The following SYT1 variants were observed in gnomAD, a reference collection of about 807,000 sequenced individuals.
SYT1 encodes synaptotagmin-1.
Under a neutral mutation model 44.8 loss-of-function variants are expected in SYT1, and 8 were observed. That is an observed-to-expected ratio of 0.18 (90% CI 0.10 to 0.32). The LOEUF (loss-of-function observed/expected upper bound fraction) is 0.32, where lower values mean the gene tolerates loss of function less well. Among genes scored for constraint, SYT1 ranks in the 10% least tolerant of loss-of-function variants. The pLI, the probability that SYT1 is intolerant of heterozygous loss-of-function variation, is 1.00. For synonymous variants in SYT1, 154 were observed against 188.8 expected, an observed-to-expected ratio of 0.82 and a Z score of 1.51; for missense variants, 286 against 509.3, an observed-to-expected ratio of 0.56 and a Z score of 4.22.
intron 1 of SYT1, among the ~76,000 whole-genome samples, chr12:78,939,610 T>A (rs2137243906): frequency 6.6e-6 from 1 of 152,274 alleles, no homozygotes; most frequent in Non-Finnish European, 1.5e-5. Flanking sequence ...AGAAACTAGA[T>A]CTAGTTTAAA....
intron 5 of SYT1, among the ~76,000 whole-genome samples, chr12:79,287,435 A>T: frequency 6.6e-6 from 1 of 152,172 alleles, no homozygotes; most frequent in Non-Finnish European, 1.5e-5. Context: ...AGCAAGCAGG[A>T]CTTGATAAAG....
At chr12:79,036,535 G>A (rs1873146308) in intron 2 of SYT1, 1 of 151,774 alleles carries the variant, frequency 6.6e-6, no homozygotes, top group Non-Finnish European at 1.5e-5. Flanking sequence ...ACTTGGGGAT[G>A]CTAAACGTGG....
chr12:79,276,755 A>G (rs183852541), intron 4 of SYT1, among the ~76,000 whole-genome samples: 11 of 152,098 alleles, frequency 7.2e-5, no homozygotes, highest in Admixed American at 5.9e-4. Context: ...GAAAATTTTA[A>G]CAGTAAACTA....
At chr12:79,228,148 C>T (rs948450233) in intron 4 of SYT1, among the ~76,000 whole-genome samples, 1 of 151,532 alleles carries the variant, frequency 6.6e-6, no homozygotes, top group African/African-American at 2.4e-5. Flanking sequence ...TTCCATACAT[C>T]GTAGGTTCTT....
At chr12:79,309,407 T>G (rs1161006887) in intron 8 of SYT1, among the ~76,000 whole-genome samples, 1 of 152,032 alleles carries the variant, frequency 6.6e-6, no homozygotes, top group African/African-American at 2.4e-5. Context: ...TTTTATCTGA[T>G]GATCTCTTTG....
At chr12:78,974,530 G>A (rs1442624490) in intron 1 of SYT1, among the ~76,000 whole-genome samples, 3 of 151,792 alleles carry the variant, frequency 2.0e-5, no homozygotes, top group Non-Finnish European at 4.4e-5. Flanking sequence ...TCTGCCTCCC[G>A]GGTTCACGCC....
At chr12:78,905,137 G>A (rs909142064) in intron 1 of SYT1, among the ~76,000 whole-genome samples, 1 of 152,120 alleles carries the variant, frequency 6.6e-6, no homozygotes, top group Non-Finnish European at 1.5e-5. Context: ...TTCTAATCTT[G>A]AGAAATGTCT....
At chr12:79,004,440 A>C (rs567710004) in intron 2 of SYT1, among the ~76,000 whole-genome samples, 1 of 152,080 alleles carries the variant, frequency 6.6e-6, no homozygotes, top group East Asian at 1.9e-4. Flanking sequence ...TTATTATACT[A>C]TCGTTTTCTT....
intron 9 of SYT1, among the ~76,000 whole-genome samples, chr12:79,380,993 T>C (rs1884195585): frequency 1.3e-5 from 2 of 152,114 alleles, no homozygotes; most frequent in Non-Finnish European, 2.9e-5. Flanking sequence ...TGACAATCTT[T>C]CCCTCATTTA....
chr12:79,083,687 T>C (rs1312765510), intron 3 of SYT1, among the ~76,000 whole-genome samples: 1 of 152,150 alleles, frequency 6.6e-6, no homozygotes, highest in African/African-American at 2.4e-5. Context: ...ATTGTTTATA[T>C]AGATATCCAT....
intron 9 of SYT1, among the ~76,000 whole-genome samples, chr12:79,383,165 G>A (rs532986357): frequency 1.2e-4 from 18 of 152,270 alleles, no homozygotes; most frequent in Non-Finnish European, 2.1e-4. Context: ...TTCATAGAGT[G>A]TATTTGCACA....
chr12:79,311,749 T>C (rs1880808083), intron 8 of SYT1, among the ~76,000 whole-genome samples: 1 of 147,186 alleles, frequency 6.8e-6, no homozygotes, highest in Non-Finnish European at 1.5e-5. Flanking sequence ...ATCATCATTC[T>C]CAGTAAACTA....
intron 8 of SYT1, among the ~76,000 whole-genome samples, chr12:79,302,840 G>C (rs1460591305): frequency 6.6e-6 from 1 of 152,070 alleles, no homozygotes; most frequent in African/African-American, 2.4e-5. Context: ...CTTGGAGACA[G>C]GTCAACATTT....
intron 1 of SYT1, among the ~76,000 whole-genome samples, chr12:78,975,395 C>T (rs1428585137): frequency 6.6e-6 from 1 of 152,082 alleles, no homozygotes; most frequent in African/African-American, 2.4e-5. Flanking sequence ...TGCTTTGCAC[C>T]CTGCCTGGCA....
At chr12:79,350,526 A>G (rs1246250780) in intron 8 of SYT1, among the ~76,000 whole-genome samples, 5 of 152,224 alleles carry the variant, frequency 3.3e-5, no homozygotes, top group East Asian at 1.9e-4. Flanking sequence ...AGCTGGGATT[A>G]CAGGCGTGAG....
rs577393133 is a variant in SYT1, at chr12:79,052,567, G to A, written c.-18+5205G>A. 3.3e-5 allele frequency among the ~76,000 whole-genome samples: 5 copies of A among 152,236 alleles called. No homozygotes were observed. In the South Asian group the frequency reaches 1.0e-3, roughly 32 times the overall value. On this transcript the variant is annotated intron_variant, in intron 3 of 10. Coordinates refer to ENST00000261205, the MANE Select transcript of SYT1 (RefSeq NM_005639.3). ...AAGAAACTACCATCAGAGTGAATAG[G>A]CAGCCTACAGAATGGGAGAAAATTT...
At chr12:79,271,632 A>G (rs973284722) in intron 4 of SYT1, among the ~76,000 whole-genome samples, 3 of 152,232 alleles carry the variant, frequency 2.0e-5, no homozygotes, top group Non-Finnish European at 4.4e-5. Flanking sequence ...TAGATGCTCA[A>G]TAAATATTTT....
intron 3 of SYT1, among the ~76,000 whole-genome samples, chr12:79,087,611 A>C (rs1447372420): frequency 2.0e-5 from 3 of 152,056 alleles, no homozygotes; most frequent in Non-Finnish European, 2.9e-5. Flanking sequence ...AGTAAGGTGC[A>C]TCAAGCCCAG....
At chr12:79,281,318 T>G (rs571109349) in intron 4 of SYT1, among the ~76,000 whole-genome samples, 3 of 152,046 alleles carry the variant, frequency 2.0e-5, no homozygotes, top group Admixed American at 6.6e-5. Flanking sequence ...TAGATAGATA[T>G]AGATAGATAG....
Sources: allele counts gnomAD v4.1 joint callset (sites outside exome capture counted in the v4.1 genomes callset), GRCh38; gene constraint gnomAD v4.1.1; transcripts MANE v1.5; gene names NCBI Gene and HGNC (gene_info 2026-07-23, HGNC 2026-07-21).